Variants in ASCC3 observed in about 807,000 individuals in gnomAD.
The protein encoded by ASCC3 is activating signal cointegrator 1 complex subunit 3.
Under a neutral mutation model 256.3 loss-of-function variants are expected in ASCC3, and 158 were observed. The observed-to-expected ratio is 0.62, with a 90% CI of 0.54 to 0.70. ASCC3 has a LOEUF of 0.70. ASCC3 is among the 30% of genes least tolerant of loss of function. The pLI, the probability that ASCC3 is intolerant of heterozygous loss-of-function variation, is 0.00. For missense variants in ASCC3, 2,259 were observed against 2,626.0 expected, an observed-to-expected ratio of 0.86 and a Z score of 3.05; for synonymous variants, 948 against 883.4, an observed-to-expected ratio of 1.07 and a Z score of -1.30.
At chr6:100,560,755 AC>A (rs1769891461) in intron 36 of ASCC3, among the ~76,000 whole-genome samples, 1 of 139,236 alleles carries the variant, frequency 7.2e-6, no homozygotes, top group Admixed American at 6.9e-5. Context: ...AGGAACACAC[AC>A]ACACACACAC....
intron 13 of ASCC3, among the ~76,000 whole-genome samples, chr6:100,686,904 T>A (rs1241648395): frequency 1.3e-5 from 2 of 152,142 alleles, no homozygotes; most frequent in African/African-American, 2.4e-5. Flanking sequence ...TACACTTTGC[T>A]CCTTTTTCTG....
At position 100,570,456 on chromosome 6, in the gene ASCC3, C is replaced by T. The variant is rs571657857; in HGVS notation, c.5550+19178G>A. On this transcript the variant is annotated intron_variant, in intron 36 of 41. Transcript: ENST00000369162. The stretch of plus-strand genomic sequence containing the variant: ...GCTATGTTCCTTTGATACCTAGCTT[C>T]TTGAGACCATCCCCTTCTTGAGATA... 3.9e-5 allele frequency among the ~76,000 whole-genome samples: 6 copies of T among 152,244 alleles called. No individual in the cohort carries two copies. The South Asian group carries it at 1.2e-3, about 32-fold the overall frequency.
intron 8 of ASCC3, among the ~76,000 whole-genome samples, chr6:100,770,056 CA>C (rs566325946): frequency 2.0e-5 from 3 of 150,910 alleles, no homozygotes. Context: ...TAAACTATTT[CA>C]AAAAAAATGT....
At chr6:100,864,736 TTCTTTTCTATACACAC>T (rs1174240878) in intron 2 of ASCC3, among the ~76,000 whole-genome samples, 3 of 152,178 alleles carry the variant, frequency 2.0e-5, no homozygotes, top group Non-Finnish European at 4.4e-5. Flanking sequence ...ATTTGGAAGA[TTCTTTTCTATACACAC>T]TCTTTTCTAT....
chr6:100,629,302 T>C, intron 26 of ASCC3, 121 bp from the exon 27 acceptor site: 1 of 895,100 alleles, frequency 1.1e-6, no homozygotes, highest in South Asian at 1.8e-5. Flanking sequence ...TTATCTACCT[T>C]TGATTTTTGA....
At chr6:100,625,371 C>CTT in intron 29 of ASCC3, 37 bp from the exon 30 acceptor site, 2 of 1,605,682 alleles carry the variant, frequency 1.2e-6, no homozygotes, top group Non-Finnish European at 1.7e-6. Context: ...TGGAAAGATA[C>CTT]TTAACCCCAG....
In ASCC3 at chr6:100,848,410, T is replaced by A. The variant is rs746459435; in HGVS notation, c.539A>T (p.Asp180Val). The A allele has an allele frequency of 6.2e-7, 1 of 1,613,274 alleles. No homozygotes were observed. Among genetic ancestry groups the A allele is most frequent in the South Asian group, 1.1e-5 (1 of 90,794 alleles). ...AGTTTCACCATTTATTGGCAGTTCG[T>A]CAAAGTGGTCCAAATCATGCATGTC... ...SFDMHDLDHF[D>V]ELPINGETQK... Residue 180 changes from aspartate to valine, a missense_variant, in exon 4 of 42, where the codon GAC becomes GTC. Around this residue, in one of 2 missense-constraint regions of ASCC3, gnomAD observed 420 missense variants for 419.3 expected, o/e 1.00. Transcript: ENST00000369162.
chr6:100,710,598 C>T (rs1778812659), intron 13 of ASCC3, among the ~76,000 whole-genome samples: 1 of 152,114 alleles, frequency 6.6e-6, no homozygotes, highest in Non-Finnish European at 1.5e-5. Flanking sequence ...TAGCCAGCAT[C>T]CAAGTTTTAT....
At chr6:100,778,867 G>A (rs1470219176) in intron 8 of ASCC3, among the ~76,000 whole-genome samples, 1 of 152,018 alleles carries the variant, frequency 6.6e-6, no homozygotes, top group Non-Finnish European at 1.5e-5. Context: ...AGAAACGTTT[G>A]GCTATTCAAT....
chr6:100,729,324 C>T (rs1370426214), intron 10 of ASCC3, among the ~76,000 whole-genome samples: 29 of 152,038 alleles, frequency 1.9e-4, no homozygotes, highest in Admixed American at 1.7e-3. Context: ...ACAGAGAAGG[C>T]ATTTTATGGA....
At chr6:100,623,150 C>G (rs1774047562) in intron 30 of ASCC3, among the ~76,000 whole-genome samples, 1 of 152,050 alleles carries the variant, frequency 6.6e-6, no homozygotes, top group Non-Finnish European at 1.5e-5. Context: ...AGTTATGATA[C>G]TACCTTAGAC....
intron 8 of ASCC3, among the ~76,000 whole-genome samples, chr6:100,775,710 C>G (rs1429367987): frequency 6.6e-6 from 1 of 151,740 alleles, no homozygotes; most frequent in African/African-American, 2.4e-5. Context: ...TTAAAACAGC[C>G]CACGTTTTAT....
intron 10 of ASCC3, among the ~76,000 whole-genome samples, chr6:100,764,827 T>G (rs773141943): frequency 6.6e-6 from 1 of 152,082 alleles, no homozygotes; most frequent in Non-Finnish European, 1.5e-5. Flanking sequence ...TAAATTGTGT[T>G]TGGGGGGTCG....
chr6:100,679,730 C>T lies in ASCC3; in HGVS notation c.2174G>A (p.Arg725Gln). The T allele has an allele frequency of 1.9e-6, 3 of 1,613,448 alleles. No individual in the cohort carries two copies. Among genetic ancestry groups the T allele is most frequent in the Non-Finnish European group, 1.7e-6 (2 of 1,179,656 alleles). The stretch of plus-strand genomic sequence containing the variant: ...CATAGCTGTTCTTACAGTGGCATTT[C>T]GAGCATGTACAAACACCATCACCTG... ...GHQVMVFVHA[R>Q]NATVRTAMSL... The change falls in exon 14 of 42, where the codon CGA becomes CAA. Residue 725 changes from arginine to glutamine, a missense_variant. This residue lies in a region of ASCC3 where 1,839 missense variants were observed against 2,206.7 expected (regional missense o/e 0.83). Coordinates refer to ENST00000369162, the MANE Select transcript of ASCC3 (RefSeq NM_006828.4).
chr6:100,617,113 T>C (rs983469786), intron 30 of ASCC3, among the ~76,000 whole-genome samples: 2 of 152,164 alleles, frequency 1.3e-5, no homozygotes, highest in Admixed American at 1.3e-4. Flanking sequence ...CAAACAATTA[T>C]CATGCCTCAG....
chr6:100,706,273 A>G (rs1778576235), intron 13 of ASCC3, among the ~76,000 whole-genome samples: 1 of 151,580 alleles, frequency 6.6e-6, no homozygotes, highest in Non-Finnish European at 1.5e-5. Flanking sequence ...GTTATAATTT[A>G]AAACCTTATA....
intron 30 of ASCC3, among the ~76,000 whole-genome samples, chr6:100,608,080 GTATATATATC>G (rs1451649676): frequency 1.2e-5 from 1 of 84,868 alleles, no homozygotes; most frequent in Non-Finnish European, 2.2e-5. Flanking sequence ...ACATATATAT[GTATATATATC>G]TATATACACA....
chr6:100,661,635 T>G (rs1456690979), intron 16 of ASCC3, among the ~76,000 whole-genome samples, 171 bp downstream of exon 16: 1 of 151,910 alleles, frequency 6.6e-6, no homozygotes, highest in South Asian at 2.1e-4. Context: ...CATTCTATAA[T>G]CCTCTGAATT....
At chr6:100,559,354 A>G (rs1377730285) in intron 36 of ASCC3, among the ~76,000 whole-genome samples, 1 of 152,226 alleles carries the variant, frequency 6.6e-6, no homozygotes, top group Non-Finnish European at 1.5e-5. Context: ...TCAAAACAAA[A>G]GTAAAGGTAA....
Sources: gnomAD v4.1 joint callset for allele counts (sites outside exome capture counted in the v4.1 genomes callset) on GRCh38, gnomAD v4.1.1 for gene constraint, gnomAD v4.1.1 regional missense constraint, MANE v1.5 for transcripts, NCBI Gene and HGNC (gene_info 2026-07-23, HGNC 2026-07-21) for gene names.